Variants in VPS13B observed in about 807,000 individuals in gnomAD.
VPS13B encodes intermembrane lipid transfer protein VPS13B.
Under a neutral mutation model 426.4 loss-of-function variants are expected in VPS13B, and 285 were observed. That is an observed-to-expected ratio of 0.67 (90% CI 0.61 to 0.74). The LOEUF is 0.74. Ranked by LOEUF, VPS13B falls within the 30% of genes least tolerant of loss-of-function variation. The probability of loss-of-function intolerance (pLI) is 0.00; values close to 1 mark genes in which losing one functional copy is unlikely to be tolerated. For missense variants in VPS13B, 4,537 were observed against 4,782.6 expected (o/e 0.95, Z 1.51); for synonymous variants, 1,676 against 1,676.4 (o/e 1.00, Z 0.01).
In VPS13B at chr8:99,263,315, G is replaced by A. The variant is rs141842601; in HGVS notation, c.2516-10883G>A. ...AAATCATTCTCTGTGTTAGGCAGGA[G>A]TATGTAGATATTATCTGCATAGTTA... is the stretch of plus-strand genomic sequence containing the variant. On this transcript the variant is annotated intron_variant, in intron 17 of 61. Coordinates refer to ENST00000357162, the MANE Select transcript of VPS13B (RefSeq NM_152564.5). Among the ~76,000 whole-genome samples the A allele has an allele frequency of 2.6e-5, 4 of 152,256 alleles. No individual in the cohort carries two copies. The East Asian group carries it at 7.7e-4, about 29-fold the overall frequency.
chr8:99,063,831 C>T (rs1385252418), intron 3 of VPS13B, among the ~76,000 whole-genome samples: 1 of 152,178 alleles, frequency 6.6e-6, no homozygotes, highest in Non-Finnish European at 1.5e-5. Context: ...GGCCAACTGA[C>T]ACCTCATACA....
chr8:99,503,818 C>T (rs968823458), intron 27 of VPS13B, among the ~76,000 whole-genome samples: 6 of 152,148 alleles, frequency 3.9e-5, no homozygotes, highest in African/African-American at 9.7e-5. Context: ...AGTCACCCAT[C>T]GGGGCTGGAA....
rs1434821018 is a variant in VPS13B at position 99,876,816 on chromosome 8, T to G, written c.*1150T>G. On this transcript the variant is annotated 3_prime_UTR_variant, in exon 62 of 62. Coordinates refer to ENST00000357162, the MANE Select transcript of VPS13B (RefSeq NM_152564.5). ...GGGCTACAGCTTGTTACCTAGAATT[T>G]TGAGATACTAAGAGAATGCAATTTT... 1 of 152,204 alleles carries G rather than the reference T, an allele frequency of 6.6e-6. No homozygotes were observed. The highest frequency in any genetic ancestry group is 2.4e-5 in the African/African-American group (1 of 41,452). 9.4% of individuals were successfully genotyped at this position (152,204 alleles called of 1,614,324 possible).
intron 31 of VPS13B, among the ~76,000 whole-genome samples, chr8:99,565,642 C>A (rs541750984): frequency 8.5e-5 from 13 of 152,160 alleles, no homozygotes; most frequent in African/African-American, 3.1e-4. Context: ...ATGTTCACAC[C>A]GCACAGGACC....
At chr8:99,279,321 C>T (rs1436276469) in intron 19 of VPS13B, among the ~76,000 whole-genome samples, 2 of 152,124 alleles carry the variant, frequency 1.3e-5, no homozygotes, top group African/African-American at 4.8e-5. Flanking sequence ...CAGAACGTTG[C>T]CCAGGCTGGA....
intron 15 of VPS13B, among the ~76,000 whole-genome samples, chr8:99,166,131 C>T (rs1262198168): frequency 6.6e-6 from 1 of 152,140 alleles, no homozygotes; most frequent in Non-Finnish European, 1.5e-5. Context: ...AGGCACGTGC[C>T]ACCACTCCTG....
In VPS13B at chr8:99,453,632, A is replaced by C. The variant is rs576564076; in HGVS notation, c.3445+10997A>C. On this transcript the variant is annotated intron_variant, in intron 23 of 61. Transcript: ENST00000357162. ...CTTGCTTATCAATTTTGCATTTCCC[A>C]ATCTCCTCCCTCTCCCCACCACACT... 7.9e-5 allele frequency among the ~76,000 whole-genome samples: 12 copies of C among 152,224 alleles called. No homozygotes were observed. In the South Asian group the frequency reaches 2.5e-3, roughly 32 times the overall value.
intron 14 of VPS13B, among the ~76,000 whole-genome samples, chr8:99,154,251 T>A (rs1811233871): frequency 6.6e-6 from 1 of 151,946 alleles, no homozygotes; most frequent in East Asian, 1.9e-4. Flanking sequence ...AAACTCACAG[T>A]CATTATTGTT....
At chr8:99,574,266 T>C (rs1035361971) in intron 31 of VPS13B, among the ~76,000 whole-genome samples, 93 of 152,210 alleles carry the variant, frequency 6.1e-4, no homozygotes, top group Non-Finnish European at 1.1e-3. Context: ...TATGACTTCC[T>C]CTTTTCCTAA....
intron 19 of VPS13B, among the ~76,000 whole-genome samples, chr8:99,320,717 C>T (rs1588247507): frequency 6.6e-6 from 1 of 152,026 alleles, no homozygotes; most frequent in South Asian, 2.1e-4. Flanking sequence ...GTATTTTATC[C>T]CAAATAGATG....
At chr8:99,623,824 A>C (rs1232864745) in intron 33 of VPS13B, among the ~76,000 whole-genome samples, 1 of 152,002 alleles carries the variant, frequency 6.6e-6, no homozygotes, top group South Asian at 2.1e-4. Flanking sequence ...CATTGCTTAT[A>C]TACTTTCCCT....
At chr8:99,463,538 C>T (rs1818944848) in intron 23 of VPS13B, among the ~76,000 whole-genome samples, 1 of 152,076 alleles carries the variant, frequency 6.6e-6, no homozygotes, top group African/African-American at 2.4e-5. Context: ...CTGAAGGTTG[C>T]TCATTTTCAT....
chr8:99,687,038 C>T (rs971634836), intron 35 of VPS13B, among the ~76,000 whole-genome samples: 8 of 152,000 alleles, frequency 5.3e-5, no homozygotes, highest in Admixed American at 1.3e-4. Context: ...GGTGCTACTG[C>T]TAATTATTTA....
intron 30 of VPS13B, among the ~76,000 whole-genome samples, chr8:99,524,714 G>C (rs959958680): frequency 6.6e-6 from 1 of 152,158 alleles, no homozygotes; most frequent in Non-Finnish European, 1.5e-5. Context: ...AATCACTTGA[G>C]CACAGGAGGT....
At chr8:99,050,487 A>G (rs571984618) in intron 3 of VPS13B, among the ~76,000 whole-genome samples, 2 of 152,170 alleles carry the variant, frequency 1.3e-5, no homozygotes, top group African/African-American at 2.4e-5. Flanking sequence ...TAGTGCCTCA[A>G]TAAACATACG....
intron 25 of VPS13B, among the ~76,000 whole-genome samples, chr8:99,490,759 A>G (rs1820563896): frequency 6.6e-6 from 1 of 151,732 alleles, no homozygotes. Flanking sequence ...CCCCTTTATT[A>G]TTTTTTATTG....
chr8:99,765,497 A>G (rs1811171865), intron 39 of VPS13B, among the ~76,000 whole-genome samples: 1 of 152,084 alleles, frequency 6.6e-6, no homozygotes, highest in Admixed American at 6.6e-5. Context: ...TTAGTGTTTC[A>G]TGGGTGCTGG....
chr8:99,778,949 C>T lies in VPS13B; in HGVS notation c.7697C>T (p.Thr2566Ile). 2 of 1,613,940 alleles carry T rather than the reference C, an allele frequency of 1.2e-6. No homozygotes were observed. Among genetic ancestry groups the T allele is most frequent in the Middle Eastern group, 1.7e-4 (1 of 6,056 alleles). ...GTAGTGGAAAAGCTGCTTGACTGCA[C>T]CGTGATAGTTGATTCTGTATTTGTA... ...SDVVEKLLDC[T>I]VIVDSVFVNL... is the part of the protein sequence containing the mutation. Residue 2566 changes from threonine (T) to isoleucine (I), a missense_variant, in exon 42 of 62, where the codon ACC becomes ATC. This residue lies in a region of VPS13B where 4,311 missense variants were observed against 4,474.3 expected (regional missense o/e 0.96). Coordinates refer to ENST00000357162, the MANE Select transcript of VPS13B (RefSeq NM_152564.5).
chr8:99,474,183 A>ATTTTTTTTTTTTTTTTTTTTTTTTTTT (rs34752686), intron 24 of VPS13B, among the ~76,000 whole-genome samples: 21 of 124,960 alleles, frequency 1.7e-4, no homozygotes, highest in African/African-American at 5.2e-4. Context: ...CTGTTATCCA[A>ATTTTTTTTTTTTTTTTTTTTTTTTTTT]TTTTTTTTTT....
Sources: gnomAD v4.1 joint callset for allele counts (sites outside exome capture counted in the v4.1 genomes callset) on GRCh38, gnomAD v4.1.1 for gene constraint, gnomAD v4.1.1 regional missense constraint, MANE v1.5 for transcripts, NCBI Gene and HGNC (gene_info 2026-07-23, HGNC 2026-07-21) for gene names.